Variants in TOR1AIP2 observed in about 807,000 individuals in gnomAD.
TOR1AIP2 encodes the protein torsin 1A interacting protein 2.
TOR1AIP2 carries 20 observed loss-of-function variants against 32.6 expected under a neutral mutation model. The ratio of observed to expected loss-of-function variants is 0.61; its 90% CI spans 0.43 to 0.89. TOR1AIP2 has a LOEUF of 0.89. Ranked by LOEUF, TOR1AIP2 falls within the 40% of genes least tolerant of loss-of-function variation. The pLI is 0.00. For missense variants in TOR1AIP2, 456 were observed against 553.8 expected (o/e 0.82, Z 1.77); for synonymous variants, 214 against 210.8 (o/e 1.02, Z -0.13).
chr1:179,860,403 G>A (rs1304794835), intron 3 of TOR1AIP2: 2 of 923,350 alleles, frequency 2.2e-6, no homozygotes, highest in African/African-American at 3.6e-5. Context: ...GATCACTTGA[G>A]CCCAGAAGGT....
intron 3 of TOR1AIP2, chr1:179,860,617 T>TA (rs1186468888): frequency 2.2e-5 from 22 of 985,264 alleles, no homozygotes; most frequent in African/African-American, 3.5e-5. Context: ...TTATTGCACT[T>TA]AAACCTCACA....
chr1:179,847,163 AT>A lies in TOR1AIP2; in HGVS notation c.656-336del, dbSNP rs1323647812. On this transcript the variant is annotated intron_variant, in intron 6 of 6. Coordinates refer to ENST00000609928, the MANE Select transcript of TOR1AIP2 (RefSeq NM_001199260.2). The stretch of plus-strand genomic sequence containing the variant: ...TGTAATTTAGACATGAGTGATCAAG[AT>A]TTTTTTTCATCTTCTCAATGCACCT... Among the ~76,000 whole-genome samples, 4 of 152,184 alleles carry A rather than the reference AT, an allele frequency of 2.6e-5. No individual in the cohort carries two copies. In the East Asian group the frequency reaches 5.8e-4, roughly 22 times the overall value.
At chr1:179,858,425 G>C (rs1475796368) in intron 3 of TOR1AIP2, among the ~76,000 whole-genome samples, 1 of 151,598 alleles carries the variant, frequency 6.6e-6, no homozygotes, top group Non-Finnish European at 1.5e-5. Flanking sequence ...TACACATAAA[G>C]TTTCCTTAAA....
intron 3 of TOR1AIP2, among the ~76,000 whole-genome samples, chr1:179,857,863 G>A (rs1163739785): frequency 6.6e-6 from 1 of 152,144 alleles, no homozygotes; most frequent in African/African-American, 2.4e-5. Flanking sequence ...GTGTCAGGCA[G>A]CATTCAGATC....
intron 2 of TOR1AIP2, among the ~76,000 whole-genome samples, chr1:179,869,995 T>C (rs1696948492): frequency 6.6e-6 from 1 of 152,234 alleles, no homozygotes; most frequent in African/African-American, 2.4e-5. Context: ...TCTTCCACTA[T>C]GAATAAATAT....
rs558204867 is a variant in TOR1AIP2, at chr1:179,844,476, A to G, written c.*1595T>C. 1 of 152,324 alleles carries G rather than the reference A, an allele frequency of 6.6e-6. No individual in the cohort carries two copies. The highest frequency in any genetic ancestry group is 2.4e-5 in the African/African-American group (1 of 41,586). 9.4% of individuals were successfully genotyped at this position (152,324 alleles called of 1,614,324 possible). A position where few individuals can be genotyped will look rare whatever the true frequency, so the allele number is the denominator to read the frequency against. ...AATGGAGAGGCCAAAACCCAGTTGA[A>G]ATAATCCAGGATTATGGTAATAGTC... is the stretch of plus-strand genomic sequence containing the variant. On this transcript the variant is annotated 3_prime_UTR_variant, in exon 7 of 7. Transcript: ENST00000609928.
At chr1:179,854,519 A>G (rs1696226456) in intron 3 of TOR1AIP2, among the ~76,000 whole-genome samples, 1 of 152,220 alleles carries the variant, frequency 6.6e-6, no homozygotes, top group African/African-American at 2.4e-5. Flanking sequence ...GATCAAGAAG[A>G]GTCAGCATAA....
chr1:179,844,421 C>G lies in TOR1AIP2; in HGVS notation c.*1650G>C, dbSNP rs1695824500. 6.6e-6 allele frequency: 1 copy of G among 152,174 alleles called. No homozygotes were observed. 9.4% of individuals were successfully genotyped at this position (152,174 alleles called of 1,614,324 possible). ...AAAATCTTTCCATACTTTAATCAGACTTCTTAGCTATATACATATGATCTC... is the reference window on the plus strand; with the variant it reads ...AAAATCTTTCCATACTTTAATCAGAGTTCTTAGCTATATACATATGATCTC... On this transcript the variant is annotated 3_prime_UTR_variant, in exon 7 of 7. Coordinates refer to ENST00000609928, the MANE Select transcript of TOR1AIP2 (RefSeq NM_001199260.2).
chr1:179,861,166 A>C (rs1209196949), intron 3 of TOR1AIP2: 1 of 985,336 alleles, frequency 1.0e-6, no homozygotes, highest in African/African-American at 1.7e-5. Flanking sequence ...ACTCTTCCAC[A>C]CTATAAAAAT....
chr1:179,862,260 T>A, intron 3 of TOR1AIP2: 1 of 978,276 alleles, frequency 1.0e-6, no homozygotes, highest in Non-Finnish European at 1.2e-6. Flanking sequence ...TGTTTCTTAG[T>A]ATATGTCCTT....
rs1249795629 is a variant in TOR1AIP2, at chr1:179,846,834, A to G, written c.656-6T>C. 6.4e-7 allele frequency: 1 copy of G among 1,572,592 alleles called. No homozygotes were observed. Among genetic ancestry groups the G allele is most frequent in the Non-Finnish European group, 8.6e-7 (1 of 1,159,804 alleles). ...GACGACAAGAATCACAGGGCCTGTC[A>G]AAAGAATGAAAAAGGAATAGAAAAT... On this transcript the variant is annotated splice_region_variant and splice_polypyrimidine_tract_variant and intron_variant, in intron 6 of 6. Transcript: ENST00000609928.
intron 3 of TOR1AIP2, among the ~76,000 whole-genome samples, chr1:179,854,597 C>T (rs1034198146): frequency 1.3e-5 from 2 of 152,256 alleles, no homozygotes; most frequent in African/African-American, 2.4e-5. Context: ...AGGGTGGGCA[C>T]GGTGGCTCAT....
chr1:179,862,779 T>C (rs1263372397), intron 3 of TOR1AIP2: 2 of 341,710 alleles, frequency 5.9e-6, no homozygotes, highest in Non-Finnish European at 8.3e-6. Flanking sequence ...AACACAAAAA[T>C]TAGCCAGACA....
Position 179,856,678 on chromosome 1 carries a change from G to A in TOR1AIP2, c.-146-3867C>T, listed in dbSNP as rs561920556. Among the ~76,000 whole-genome samples, 54 of 152,244 alleles carry A rather than the reference G, an allele frequency of 3.5e-4. 1 individual carries two copies. In the South Asian group the frequency reaches 8.3e-3, roughly 23 times the overall value. On this transcript the variant is annotated intron_variant, in intron 3 of 6. Transcript: ENST00000609928. Reference sequence around the variant, plus strand: ...TTCGCATAGGCTGGAGTGAAGTGGTGTAATCTTGGCTCACCGCAACCTCCA... The same window carrying A: ...TTCGCATAGGCTGGAGTGAAGTGGTATAATCTTGGCTCACCGCAACCTCCA...
In TOR1AIP2 at chr1:179,877,531, G is replaced by A. The variant is rs140889372; in HGVS notation, c.-700-158C>T. 8.1e-3 allele frequency among the ~76,000 whole-genome samples: 1,229 copies of A among 151,160 alleles called. 23 individuals carry two copies. The highest frequency in any genetic ancestry group is 0.028 in the African/African-American group (1,164 of 41,096). ...CACTGTACTCTAGCCTCGGTGACAG[G>A]GCAAGTACCTGTCTCAAAAACAATA... On this transcript the variant is annotated intron_variant, in intron 1 of 6. Transcript: ENST00000609928.
chr1:179,864,684 C>A (rs956065117), intron 3 of TOR1AIP2: 2 of 1,494,392 alleles, frequency 1.3e-6, no homozygotes, highest in African/African-American at 1.4e-5. Flanking sequence ...AAAGTAGTGA[C>A]AATCTGGGTC....
chr1:179,853,012 T>C (rs1345216209), intron 3 of TOR1AIP2, among the ~76,000 whole-genome samples: 2 of 152,236 alleles, frequency 1.3e-5, no homozygotes, highest in African/African-American at 2.4e-5. Flanking sequence ...TAATCTTTCA[T>C]GAATTTCATA....
chr1:179,845,893 G>T lies in TOR1AIP2; in HGVS notation c.*178C>A. 1 of 632,138 alleles carries T rather than the reference G, an allele frequency of 1.6e-6. No individual in the cohort carries two copies. Among genetic ancestry groups the T allele is most frequent in the South Asian group, 3.0e-5 (1 of 33,268 alleles). 39.2% of individuals were successfully genotyped at this position (632,138 alleles called of 1,614,324 possible). A position where few individuals can be genotyped will look rare whatever the true frequency, so the allele number is the denominator to read the frequency against. On this transcript the variant is annotated 3_prime_UTR_variant, in exon 7 of 7. Coordinates refer to ENST00000609928, the MANE Select transcript of TOR1AIP2 (RefSeq NM_001199260.2). Reference sequence around the variant, plus strand: ...TAATTTTTAGCTTTGTCAAGGCTTAGATTAGAAAGATTTTACAAGGAATAA... The same window carrying T: ...TAATTTTTAGCTTTGTCAAGGCTTATATTAGAAAGATTTTACAAGGAATAA...
At chr1:179,864,799 T>G in intron 3 of TOR1AIP2, 1 of 1,599,668 alleles carries the variant, frequency 6.3e-7, no homozygotes, top group Non-Finnish European at 8.5e-7. Context: ...TTTGGCCCAG[T>G]TTTTTGTTTA....
Sources: gnomAD v4.1 joint callset for allele counts (sites outside exome capture counted in the v4.1 genomes callset) on GRCh38, gnomAD v4.1.1 for gene constraint, MANE v1.5 for transcripts, NCBI Gene and HGNC (gene_info 2026-07-23, HGNC 2026-07-21) for gene names.